Variants in DGKB observed in about 807,000 individuals in gnomAD.
DGKB encodes the protein 90 kDa diacylglycerol kinase.
DGKB carries 67 observed loss-of-function variants against 114.3 expected under a neutral mutation model. That is an observed-to-expected ratio of 0.59 (90% CI 0.48 to 0.72). The LOEUF (loss-of-function observed/expected upper bound fraction) is 0.72, where lower values mean the gene tolerates loss of function less well. DGKB is among the 30% of genes least tolerant of loss of function. DGKB has a pLI of 0.00. For synonymous variants in DGKB, 398 were observed against 323.1 expected (o/e 1.23, Z -2.49); for missense variants, 907 against 975.2 (o/e 0.93, Z 0.93).
Position 14,203,161 on chromosome 7 carries a change from C to CAAAAAAA in DGKB, c.2123-25017_2123-25011dup, listed in dbSNP as rs374610278. On this transcript the variant is annotated intron_variant, in intron 23 of 25. Coordinates refer to ENST00000402815, the MANE Select transcript of DGKB (RefSeq NM_001350709.2). ...GGCCAGTATCAAAAAGAGCAGTAGC[C>CAAAAAAA]AAAAAAAAAAAAAAAAGTTAAAAGT... Among the ~76,000 whole-genome samples, 135 of 96,124 alleles carry CAAAAAAA rather than the reference C, an allele frequency of 1.4e-3. 2 individuals are homozygous for CAAAAAAA. The highest frequency in any genetic ancestry group is 5.6e-3 in the African/African-American group (128 of 23,022). 63.1% of individuals were successfully genotyped at this position (96,124 alleles called of 152,430 possible).
rs1003492098 is a variant in DGKB at position 14,148,675 on chromosome 7, T to A, written c.*456A>T. 4 of 187,372 alleles carry A rather than the reference T, an allele frequency of 2.1e-5. No individual in the cohort carries two copies. The highest frequency in any genetic ancestry group is 4.5e-5 in the Non-Finnish European group (4 of 89,582). The allele number at this position is 187,372 out of a possible 1,614,324, so 11.6% of individuals were successfully genotyped here. On this transcript the variant is annotated 3_prime_UTR_variant, in exon 26 of 26. Coordinates refer to ENST00000402815, the MANE Select transcript of DGKB (RefSeq NM_001350709.2). ...TTCTCCTCAAGTCATAGGTCACTGA[T>A]ACACTGATTCTAAAAGGGAAACGTA...
intron 1 of DGKB, among the ~76,000 whole-genome samples, chr7:14,865,343 A>G (rs937043767): frequency 7.9e-5 from 12 of 152,160 alleles, no homozygotes; most frequent in Non-Finnish European, 1.3e-4. Flanking sequence ...AGCAAGTAGG[A>G]GTACTCAAGG....
chr7:14,894,409 C>T (rs757508392), intron 1 of DGKB, among the ~76,000 whole-genome samples: 1 of 151,204 alleles, frequency 6.6e-6, no homozygotes, highest in East Asian at 1.9e-4. Flanking sequence ...AAGACACAGG[C>T]GCTAATTTCT....
chr7:14,728,475 A>G (rs1467619478), intron 5 of DGKB, among the ~76,000 whole-genome samples: 1 of 152,070 alleles, frequency 6.6e-6, no homozygotes, highest in Non-Finnish European at 1.5e-5. Flanking sequence ...AGTGCTCCTA[A>G]CAAGTCTATC....
chr7:14,557,122 A>G (rs1432447094), intron 20 of DGKB, among the ~76,000 whole-genome samples: 1 of 152,194 alleles, frequency 6.6e-6, no homozygotes, highest in Non-Finnish European at 1.5e-5. Context: ...CCAGGTGTAG[A>G]GACCAGTAAT....
At chr7:14,735,520 A>G (rs1586095059) in intron 5 of DGKB, among the ~76,000 whole-genome samples, 1 of 152,190 alleles carries the variant, frequency 6.6e-6, no homozygotes, top group African/African-American at 2.4e-5. Flanking sequence ...AACAGGTATT[A>G]ATGTAAGTAT....
chr7:14,273,485 G>C (rs1798557215), intron 23 of DGKB, among the ~76,000 whole-genome samples: 1 of 152,192 alleles, frequency 6.6e-6, no homozygotes, highest in Non-Finnish European at 1.5e-5. Flanking sequence ...TATGGATTCA[G>C]GGTCATTGTT....
rs569873147 is a variant in DGKB at position 14,490,065 on chromosome 7, G to C, written c.1771-11840C>G. Among the ~76,000 whole-genome samples the C allele has an allele frequency of 5.9e-5, 9 of 152,190 alleles. 1 individual carries two copies. The East Asian group carries it at 1.2e-3, about 20-fold the overall frequency. On this transcript the variant is annotated intron_variant, in intron 20 of 25. Coordinates refer to ENST00000402815, the MANE Select transcript of DGKB (RefSeq NM_001350709.2). ...GTATCGATGCTGCACCAAGAACAGA[G>C]TGCAAAGTACAATTATATAGTTTTT...
At chr7:14,252,460 A>G (rs964142401) in intron 23 of DGKB, among the ~76,000 whole-genome samples, 1 of 152,164 alleles carries the variant, frequency 6.6e-6, no homozygotes. Flanking sequence ...TAGACTACTC[A>G]GGAAGGGAAA....
intron 2 of DGKB, among the ~76,000 whole-genome samples, chr7:14,778,356 G>GTT (rs141596824): frequency 2.0e-5 from 3 of 150,476 alleles, no homozygotes; most frequent in African/African-American, 7.3e-5. Flanking sequence ...CTGTTTTCTT[G>GTT]TTTTTTTTTC....
chr7:14,623,886 A>G (rs941742241), intron 14 of DGKB, among the ~76,000 whole-genome samples: 2 of 152,168 alleles, frequency 1.3e-5, no homozygotes, highest in African/African-American at 4.8e-5. Flanking sequence ...TCTCATCTCT[A>G]CTACCTAAGT....
Position 14,350,341 on chromosome 7 carries a change from A to C in DGKB, c.1836-4950T>G, listed in dbSNP as rs533444689. On this transcript the variant is annotated intron_variant, in intron 21 of 25. Coordinates refer to ENST00000402815, the MANE Select transcript of DGKB (RefSeq NM_001350709.2). ...CTTGGAATTTTTCTTCCTGCCTTAC[A>C]TGTCTTTTATTTTGGCTTTCATCGG... Among the ~76,000 whole-genome samples the C allele has an allele frequency of 2.6e-5, 4 of 152,210 alleles. No individual in the cohort carries two copies. The East Asian group carries it at 7.7e-4, about 29-fold the overall frequency.
At chr7:14,339,804 T>G (rs1294922612) in intron 22 of DGKB, among the ~76,000 whole-genome samples, 2 of 151,984 alleles carry the variant, frequency 1.3e-5, no homozygotes, top group East Asian at 3.9e-4. Context: ...TTTCCTAAAT[T>G]GAAATATATT....
rs1260843987 is a variant in DGKB, at chr7:14,145,130, G to T, written c.*4001C>A. 1 of 152,124 alleles carries T rather than the reference G, an allele frequency of 6.6e-6. No homozygotes were observed. Among genetic ancestry groups the T allele is most frequent in the Non-Finnish European group, 1.5e-5 (1 of 68,018 alleles). The allele number at this position is 152,124 out of a possible 1,614,324, so 9.4% of individuals were successfully genotyped here. On this transcript the variant is annotated 3_prime_UTR_variant, in exon 26 of 26. Coordinates refer to ENST00000402815, the MANE Select transcript of DGKB (RefSeq NM_001350709.2). ...AAAATAATTAAGGTACTATAATTAAGTTCCATGTTTTTAAACACAATAAGG... is the reference window on the plus strand; with the variant it reads ...AAAATAATTAAGGTACTATAATTAATTTCCATGTTTTTAAACACAATAAGG...
At chr7:14,442,876 G>T (rs1335696666) in intron 21 of DGKB, among the ~76,000 whole-genome samples, 1 of 151,900 alleles carries the variant, frequency 6.6e-6, no homozygotes, top group South Asian at 2.1e-4. Context: ...AATCTATAAT[G>T]TACATATGAT....
At chr7:14,788,962 G>A (rs1840278369) in intron 2 of DGKB, among the ~76,000 whole-genome samples, 2 of 152,118 alleles carry the variant, frequency 1.3e-5, no homozygotes, top group Non-Finnish European at 2.9e-5. Flanking sequence ...AGCCCCCTCT[G>A]TGTCACAGGC....
chr7:14,158,344 G>C (rs1318776660), intron 25 of DGKB, among the ~76,000 whole-genome samples: 4 of 152,058 alleles, frequency 2.6e-5, no homozygotes, highest in Non-Finnish European at 5.9e-5. Context: ...CAGCATTCCC[G>C]CCACATGCCA....
At chr7:14,940,740 T>G in intron 1 of DGKB, among the ~76,000 whole-genome samples, 1 of 152,070 alleles carries the variant, frequency 6.6e-6, no homozygotes. Context: ...CAAAACCAAC[T>G]ATAATTTCTT....
rs146425210 is a variant in DGKB at position 14,165,320 on chromosome 7, C to A, written c.2304+11519G>T. ...AAGTTTTAATAAAATGGCTGAGATT[C>A]TGTAATAAAAGAGTGGTAAGGTTGT... is the stretch of plus-strand genomic sequence containing the variant. On this transcript the variant is annotated intron_variant, in intron 25 of 25. Coordinates refer to ENST00000402815, the MANE Select transcript of DGKB (RefSeq NM_001350709.2). 4.0e-3 allele frequency among the ~76,000 whole-genome samples: 615 copies of A among 152,158 alleles called. 2 individuals carry two copies. Among genetic ancestry groups the A allele is most frequent in the African/African-American group, 0.014 (589 of 41,534 alleles).
Sources: allele counts gnomAD v4.1 joint callset (sites outside exome capture counted in the v4.1 genomes callset), GRCh38; gene constraint gnomAD v4.1.1; transcripts MANE v1.5; gene names NCBI Gene and HGNC (gene_info 2026-07-23, HGNC 2026-07-21).